Variants in IGSF21 observed in about 807,000 individuals in gnomAD.
The protein encoded by IGSF21 is immunoglobulin superfamily member 21.
In IGSF21, 28 loss-of-function variants were observed where a neutral mutation model predicts 46.8. That is an observed-to-expected ratio of 0.60 (90% confidence interval 0.44 to 0.82). IGSF21 has a LOEUF of 0.82. Among genes scored for constraint, IGSF21 ranks in the 40% least tolerant of loss-of-function variants. The pLI, the probability that IGSF21 is intolerant of heterozygous loss-of-function variation, is 0.00. For missense variants in IGSF21, 624 were observed against 665.5 expected (o/e 0.94, Z 0.69); for synonymous variants, 284 against 273.6 (o/e 1.04, Z -0.38).
intron 1 of IGSF21, among the ~76,000 whole-genome samples, chr1:18,142,662 G>A (rs762702406): frequency 6.6e-6 from 1 of 152,172 alleles, no homozygotes; most frequent in African/African-American, 2.4e-5. Context: ...GCCAATCCTC[G>A]TGGCCTGGCC....
intron 3 of IGSF21, among the ~76,000 whole-genome samples, chr1:18,303,767 G>C (rs571865044): frequency 3.2e-4 from 49 of 152,292 alleles, no homozygotes; most frequent in African/African-American, 1.2e-3. Flanking sequence ...GGCTATGCTA[G>C]CAACACAGAG....
At chr1:18,197,255 A>T (rs1024789069) in intron 1 of IGSF21, among the ~76,000 whole-genome samples, 1 of 152,158 alleles carries the variant, frequency 6.6e-6, no homozygotes, top group Admixed American at 6.5e-5. Context: ...AGAGCAGAGA[A>T]GCCTGGTGCT....
intron 1 of IGSF21, among the ~76,000 whole-genome samples, chr1:18,211,433 G>A (rs115218708): frequency 0.012 from 1,804 of 152,340 alleles, 15 homozygotes; most frequent in Non-Finnish European, 0.015. Flanking sequence ...AGGAAACAGC[G>A]TTGTTACTGA....
At chr1:18,308,090 C>A (rs1043594142) in intron 3 of IGSF21, among the ~76,000 whole-genome samples, 3 of 152,140 alleles carry the variant, frequency 2.0e-5, no homozygotes, top group Non-Finnish European at 4.4e-5. Context: ...GGTGAATGTC[C>A]CCCTCCTCCT....
At chr1:18,229,927 A>G (rs1244322208) in intron 2 of IGSF21, among the ~76,000 whole-genome samples, 6 of 152,216 alleles carry the variant, frequency 3.9e-5, no homozygotes, top group Admixed American at 3.9e-4. Flanking sequence ...GGGTGGTGAA[A>G]GACAGATAGA....
chr1:18,122,931 T>G (rs2086247926), intron 1 of IGSF21, among the ~76,000 whole-genome samples: 1 of 136,488 alleles, frequency 7.3e-6, no homozygotes, highest in South Asian at 2.2e-4. Context: ...CCAGCCAGAT[T>G]TTTTATTAAT....
chr1:18,163,325 G>A (rs2086645621), intron 1 of IGSF21, among the ~76,000 whole-genome samples: 1 of 152,148 alleles, frequency 6.6e-6, no homozygotes, highest in African/African-American at 2.4e-5. Context: ...CGCAGGAGGA[G>A]GTATGGCAGA....
intron 1 of IGSF21, among the ~76,000 whole-genome samples, chr1:18,199,302 C>T (rs1432706241): frequency 1.3e-5 from 2 of 152,140 alleles, no homozygotes; most frequent in Non-Finnish European, 2.9e-5. Flanking sequence ...CAGCCTCTAT[C>T]GCATCATCTG....
chr1:18,172,054 C>T (rs1427688541), intron 1 of IGSF21, among the ~76,000 whole-genome samples: 1 of 152,222 alleles, frequency 6.6e-6, no homozygotes, highest in Non-Finnish European at 1.5e-5. Flanking sequence ...ACAGCAGCCA[C>T]CTTGCAGCCA....
rs533895187 is a variant in IGSF21 at position 18,365,288 on chromosome 1, C to T, written c.606C>T (p.Ser202=). Residue 202 remains serine, a synonymous_variant, in exon 6 of 10, where the codon AGC becomes AGT. Transcript: ENST00000251296. The surrounding 1 kb of genome is among the most constrained non-coding windows in gnomAD (Gnocchi z 4.8). The stretch of plus-strand genomic sequence containing the variant: ...CCCTATCAGAGCCACCAGCTGCGAG[C>T]TCCGGCCCCCTACAGGACAGCAGGC... The part of the protein sequence containing the change: ...AVPLSEPPAA[S]SGPLQDSRPF... 1.1e-5 allele frequency: 18 copies of T among 1,613,952 alleles called. No homozygotes were observed. The African/African-American group carries it at 1.5e-4, about 13-fold the overall frequency.
chr1:18,154,482 C>T (rs750147779), intron 1 of IGSF21, among the ~76,000 whole-genome samples: 1 of 152,064 alleles, frequency 6.6e-6, no homozygotes. Flanking sequence ...TGGGATCACC[C>T]CTGTCACCCC....
chr1:18,299,497 T>C (rs1295906357), intron 3 of IGSF21, among the ~76,000 whole-genome samples: 1 of 152,354 alleles, frequency 6.6e-6, no homozygotes, highest in South Asian at 2.1e-4. Flanking sequence ...TATATTTTCA[T>C]GAAGCATACG....
rs1205028890 is a variant in IGSF21, at chr1:18,273,624, G to GT, written c.184-18235dup. On this transcript the variant is annotated intron_variant, in intron 2 of 9. Transcript: ENST00000251296. ...CAGATCTATAATGAAAAGCAAATGG[G>GT]TTTTTTTGTTGTTGCTGTAATAACA... Among the ~76,000 whole-genome samples, 5 of 150,694 alleles carry GT rather than the reference G, an allele frequency of 3.3e-5. No homozygotes were observed. In the East Asian group the frequency reaches 9.7e-4, roughly 29 times the overall value.
At chr1:18,223,387 A>G (rs2084529889) in intron 1 of IGSF21, among the ~76,000 whole-genome samples, 1 of 152,186 alleles carries the variant, frequency 6.6e-6, no homozygotes, top group Non-Finnish European at 1.5e-5. Context: ...AGACCCCATC[A>G]AGTAGTATGT....
intron 2 of IGSF21, among the ~76,000 whole-genome samples, chr1:18,246,366 T>C (rs904761214): frequency 1.3e-5 from 2 of 152,092 alleles, no homozygotes; most frequent in Non-Finnish European, 2.9e-5. Context: ...AATTACTCCG[T>C]CTCATCACTG....
intron 2 of IGSF21, among the ~76,000 whole-genome samples, chr1:18,239,394 A>G (rs935380254): frequency 6.6e-6 from 1 of 152,154 alleles, no homozygotes; most frequent in African/African-American, 2.4e-5. Context: ...CGTTGCAGAC[A>G]GGCACAGCCG....
chr1:18,328,017 G>A (rs1344699218), intron 3 of IGSF21, among the ~76,000 whole-genome samples: 1 of 152,170 alleles, frequency 6.6e-6, no homozygotes, highest in African/African-American at 2.4e-5. Context: ...TTGTTTTAAT[G>A]ACCTTGATCC....
At chr1:18,173,061 G>A (rs1278693899) in intron 1 of IGSF21, among the ~76,000 whole-genome samples, 1 of 152,234 alleles carries the variant, frequency 6.6e-6, no homozygotes, top group Non-Finnish European at 1.5e-5. Flanking sequence ...GGCCGAAGCA[G>A]GTGGGTCACT....
At chr1:18,114,746 G>T (rs1184564581) in intron 1 of IGSF21, 1 of 152,182 alleles carries the variant, frequency 6.6e-6, no homozygotes, top group South Asian at 2.1e-4. Flanking sequence ...GGAAAATGAG[G>T]CCCAGGAAGA....
Sources: allele counts gnomAD v4.1 joint callset (sites outside exome capture counted in the v4.1 genomes callset), GRCh38; gene constraint gnomAD v4.1.1; non-coding constraint Gnocchi (gnomAD v3.1); transcripts MANE v1.5; gene names NCBI Gene and HGNC (gene_info 2026-07-23, HGNC 2026-07-21).